WDR7: variants seen among roughly 807,000 people sequenced by gnomAD.
WDR7 encodes the protein WD repeat domain 7.
In WDR7, 46 loss-of-function variants were observed where a neutral mutation model predicts 169.4. The observed-to-expected ratio is 0.27, with a 90% confidence interval of 0.21 to 0.35. The LOEUF (loss-of-function observed/expected upper bound fraction) is 0.35. Ranked by LOEUF, WDR7 falls within the 10% of genes least tolerant of loss-of-function variation. The probability of loss-of-function intolerance (pLI) is 1.00; values close to 1 mark genes in which losing one functional copy is unlikely to be tolerated. For synonymous variants in WDR7, 612 were observed against 666.8 expected, an observed-to-expected ratio of 0.92 and a Z score of 1.27; for missense variants, 1,534 against 1,859.3, an observed-to-expected ratio of 0.83 and a Z score of 3.22.
At position 56,781,606 on chromosome 18, in the gene WDR7, T is replaced by A; in HGVS notation, c.3140T>A (p.Ile1047Asn). The A allele has an allele frequency of 6.2e-7, 1 of 1,613,012 alleles. No homozygotes were observed. Among genetic ancestry groups the A allele is most frequent in the Non-Finnish European group, 8.5e-7 (1 of 1,179,494 alleles). ...GAGCAGGCAGGCAGGAAGGAAGCCATTGATGCCTGGGCTCCTTACTTACCT... is the reference window on the plus strand; with the variant it reads ...GAGCAGGCAGGCAGGAAGGAAGCCAATGATGCCTGGGCTCCTTACTTACCT... ...RIEQAGRKEA[I>N]DAWAPYLPQY... Residue 1047 changes from isoleucine to asparagine, a missense_variant, in exon 19 of 28, where the codon ATT becomes AAT. Ile to Asn is a moderately radical substitution (Grantham distance 149, BLOSUM62 -3). Coordinates refer to ENST00000254442, the MANE Select transcript of WDR7 (RefSeq NM_015285.3).
chr18:56,898,124 C>T (rs1437073), intron 21 of WDR7, among the ~76,000 whole-genome samples: 121,728 of 151,864 alleles, frequency 0.8, 49,378 homozygotes, highest in East Asian at 0.98. Context: ...GATAGGGGCA[C>T]GTCAAAAGGA....
chr18:56,797,208 G>A (rs2044599182), intron 19 of WDR7, among the ~76,000 whole-genome samples: 1 of 152,144 alleles, frequency 6.6e-6, no homozygotes, highest in South Asian at 2.1e-4. Flanking sequence ...TTTAAATGAA[G>A]TTGAACTGAG....
At chr18:56,998,318 C>T (rs774737319) in intron 26 of WDR7, among the ~76,000 whole-genome samples, 5 of 152,184 alleles carry the variant, frequency 3.3e-5, no homozygotes, top group Non-Finnish European at 5.9e-5. Flanking sequence ...CAAAGGTCAA[C>T]TGCTGCCATC....
intron 20 of WDR7, among the ~76,000 whole-genome samples, chr18:56,826,691 A>G (rs1479286025): frequency 6.6e-6 from 1 of 152,314 alleles, no homozygotes; most frequent in East Asian, 1.9e-4. Context: ...TTTTGTTATA[A>G]CTATTTATCC....
At chr18:56,793,804 C>CT (rs2044534782) in intron 19 of WDR7, among the ~76,000 whole-genome samples, 1 of 152,092 alleles carries the variant, frequency 6.6e-6, no homozygotes, top group Non-Finnish European at 1.5e-5. Flanking sequence ...CATTTAAATG[C>CT]TTCTTTAGAA....
intron 14 of WDR7, among the ~76,000 whole-genome samples, chr18:56,744,712 G>A (rs1049306962): frequency 1.3e-5 from 2 of 152,102 alleles, no homozygotes; most frequent in Admixed American, 1.3e-4. Context: ...GCTCCTACAC[G>A]AGGATTTTCT....
chr18:56,878,878 G>C (rs1015503990), intron 20 of WDR7, among the ~76,000 whole-genome samples: 3 of 152,116 alleles, frequency 2.0e-5, no homozygotes, highest in African/African-American at 7.2e-5. Context: ...TTTGTGGCAT[G>C]TATCATTACT....
rs62100600 is a variant in WDR7, at chr18:56,824,099, A to G, written c.3304+7955A>G. On this transcript the variant is annotated intron_variant, in intron 20 of 27. Transcript: ENST00000254442. Reference sequence around the variant, plus strand: ...CTTATATCTCTGATGTCATCAGCTAAAGCAGTACTTAACTTTGTTCCCCAG... The same window carrying G: ...CTTATATCTCTGATGTCATCAGCTAGAGCAGTACTTAACTTTGTTCCCCAG... 8.9e-4 allele frequency among the ~76,000 whole-genome samples: 135 copies of G among 152,276 alleles called. 1 individual carries two copies. Among genetic ancestry groups the G allele is most frequent in the Admixed American group, 2.6e-3 (40 of 15,302 alleles).
At chr18:56,925,391 G>A (rs1463633517) in intron 22 of WDR7, among the ~76,000 whole-genome samples, 1 of 152,124 alleles carries the variant, frequency 6.6e-6, no homozygotes, top group Non-Finnish European at 1.5e-5. Flanking sequence ...TTTCTCTACA[G>A]CCTCGCCAAC....
chr18:56,881,046 A>G (rs2046100511), intron 21 of WDR7, among the ~76,000 whole-genome samples: 1 of 152,234 alleles, frequency 6.6e-6, no homozygotes, highest in African/African-American at 2.4e-5. Context: ...TAAGCAAGAG[A>G]AAAAGATGCA....
At chr18:56,801,291 C>A (rs1167948958) in intron 19 of WDR7, among the ~76,000 whole-genome samples, 1 of 152,030 alleles carries the variant, frequency 6.6e-6, no homozygotes, top group Admixed American at 6.6e-5. Flanking sequence ...TTATTTTTGT[C>A]TTTAGCTTTA....
At chr18:56,852,327 A>C (rs1022503743) in intron 20 of WDR7, among the ~76,000 whole-genome samples, 1 of 152,148 alleles carries the variant, frequency 6.6e-6, no homozygotes, top group African/African-American at 2.4e-5. Context: ...CGTGATTTGG[A>C]ATTAGCTTCT....
At chr18:56,757,441 C>A in intron 15 of WDR7, 89 bp downstream of exon 15, 1 of 1,323,098 alleles carries the variant, frequency 7.6e-7, no homozygotes, top group Non-Finnish European at 1.0e-6. Context: ...TTTTTTGGCT[C>A]TACACAATTT....
chr18:56,714,581 G>C (rs2026152013), intron 12 of WDR7, among the ~76,000 whole-genome samples: 6 of 151,136 alleles, frequency 4.0e-5, no homozygotes. Context: ...ATCGGCTACT[G>C]TTTTGTATTT....
At chr18:56,992,423 G>A (rs1299457504) in intron 26 of WDR7, among the ~76,000 whole-genome samples, 1 of 152,108 alleles carries the variant, frequency 6.6e-6, no homozygotes, top group Non-Finnish European at 1.5e-5. Context: ...GGCAAATATG[G>A]GATAGTGTGG....
intron 25 of WDR7, among the ~76,000 whole-genome samples, chr18:56,940,938 T>G (rs139002398): frequency 6.6e-6 from 1 of 152,210 alleles, no homozygotes; most frequent in Non-Finnish European, 1.5e-5. Context: ...TTTCCTATTA[T>G]GTGGTCAGTG....
chr18:57,023,376 TATCAGCTATTAAA>T (rs2048316933), intron 27 of WDR7, among the ~76,000 whole-genome samples: 1 of 152,250 alleles, frequency 6.6e-6, no homozygotes, highest in South Asian at 2.1e-4. Flanking sequence ...TTACTAAAGC[TATCAGCTATTAAA>T]ATCTTTGCTG....
intron 25 of WDR7, among the ~76,000 whole-genome samples, chr18:56,947,158 A>T (rs2047115075): frequency 6.6e-6 from 1 of 152,218 alleles, no homozygotes; most frequent in South Asian, 2.1e-4. Flanking sequence ...TGGCTGTATT[A>T]TTTTATAGGA....
intron 16 of WDR7, among the ~76,000 whole-genome samples, chr18:56,767,110 A>T (rs1330194846): frequency 6.6e-6 from 1 of 152,124 alleles, no homozygotes; most frequent in Non-Finnish European, 1.5e-5. Context: ...GTGCTCTAAG[A>T]TGAATTACTC....
Sources: gnomAD v4.1 joint callset for allele counts (sites outside exome capture counted in the v4.1 genomes callset) on GRCh38, gnomAD v4.1.1 for gene constraint, MANE v1.5 for transcripts, NCBI Gene and HGNC (gene_info 2026-07-23, HGNC 2026-07-21) for gene names.